The following NFIA variants were observed in gnomAD, a reference collection of about 807,000 sequenced individuals.
NFIA encodes the protein nuclear factor I A, also known as nuclear factor 1 A-type.
A neutral mutation model predicts 62.8 loss-of-function variants in NFIA; 8 were observed. That is an observed-to-expected ratio of 0.13 (90% CI 0.07 to 0.23). The LOEUF (loss-of-function observed/expected upper bound fraction) is 0.23. NFIA is among the 10% of genes least tolerant of loss of function. The pLI is 1.00. For synonymous variants in NFIA, 235 were observed against 238.1 expected (o/e 0.99, Z 0.12); for missense variants, 410 against 642.1 (o/e 0.64, Z 3.91).
intron 10 of NFIA, among the ~76,000 whole-genome samples, chr1:61,431,757 C>T (rs559472705): frequency 6.6e-6 from 1 of 152,292 alleles, no homozygotes; most frequent in East Asian, 1.9e-4. Flanking sequence ...CCGTTGTCTG[C>T]CTCTGGTGGG....
chr1:61,258,775 C>T (rs1435996909), intron 2 of NFIA, among the ~76,000 whole-genome samples: 5 of 152,012 alleles, frequency 3.3e-5, no homozygotes, highest in African/African-American at 1.2e-4. Context: ...GCCACCCAGG[C>T]TGGAGTGGGG....
At chr1:61,345,028 T>C (rs1019222697) in intron 4 of NFIA, among the ~76,000 whole-genome samples, 1 of 152,182 alleles carries the variant, frequency 6.6e-6, no homozygotes, top group African/African-American at 2.4e-5. Flanking sequence ...ACTATAATGA[T>C]TCCTTAATAG....
chr1:61,266,517 C>T (rs1657178962), intron 2 of NFIA, among the ~76,000 whole-genome samples: 1 of 152,146 alleles, frequency 6.6e-6, no homozygotes, highest in African/African-American at 2.4e-5. Context: ...CCTGCCTCAG[C>T]CTCCCAAGTA....
rs1557632057 is a variant in NFIA at position 61,200,052 on chromosome 1, A to ACATATATATACGTATATATATG, written c.560-77468_560-77467insCATATATATACGTATATATATG. Among the ~76,000 whole-genome samples, 30 of 52,308 alleles carry ACATATATATACGTATATATATG rather than the reference A, an allele frequency of 5.7e-4. 2 individuals are homozygous for ACATATATATACGTATATATATG. The highest frequency in any genetic ancestry group is 3.2e-3 in the African/African-American group (29 of 9,146). 34.3% of individuals were successfully genotyped at this position (52,308 alleles called of 152,430 possible). A position where few individuals can be genotyped will look rare whatever the true frequency, so the allele number is the denominator to read the frequency against. On this transcript the variant is annotated intron_variant, in intron 2 of 10. Coordinates refer to ENST00000403491, the MANE Select transcript of NFIA (RefSeq NM_001134673.4). ...TATATATATATATATATATATATAT[A>ACATATATATACGTATATATATG]TATATATATATATATGTATGTATGT...
At chr1:61,250,486 A>C (rs1410494251) in intron 2 of NFIA, among the ~76,000 whole-genome samples, 3 of 152,194 alleles carry the variant, frequency 2.0e-5, no homozygotes, top group East Asian at 1.9e-4. Context: ...CCACTTCCAT[A>C]TGATCTACAT....
chr1:61,286,197 G>A (rs1658480153), intron 3 of NFIA, among the ~76,000 whole-genome samples: 1 of 152,050 alleles, frequency 6.6e-6, no homozygotes, highest in African/African-American at 2.4e-5. Context: ...GGAGGCCAAG[G>A]CAGGCGGATC....
chr1:61,381,675 C>A (rs114796713), intron 6 of NFIA, among the ~76,000 whole-genome samples: 1 of 152,268 alleles, frequency 6.6e-6, no homozygotes, highest in Non-Finnish European at 1.5e-5. Context: ...ATTCATGAAG[C>A]TACAGATAAA....
At chr1:61,364,038 C>T (rs1184528560) in intron 6 of NFIA, among the ~76,000 whole-genome samples, 3 of 151,658 alleles carry the variant, frequency 2.0e-5, no homozygotes, top group Non-Finnish European at 4.4e-5. Flanking sequence ...CCTCCACCTC[C>T]GGGTTCAGGT....
intron 2 of NFIA, among the ~76,000 whole-genome samples, chr1:61,108,909 G>A (rs1483288678): frequency 6.6e-6 from 1 of 151,706 alleles, no homozygotes; most frequent in Admixed American, 6.6e-5. Context: ...TTTAAAGAAT[G>A]CAGTCATCTA....
chr1:61,143,438 G>A (rs533593129), intron 2 of NFIA, among the ~76,000 whole-genome samples: 1 of 152,208 alleles, frequency 6.6e-6, no homozygotes, highest in South Asian at 2.1e-4. Flanking sequence ...CACCCAGGCT[G>A]GAGTATAGTG....
At chr1:61,192,249 G>A (rs1458297536) in intron 2 of NFIA, among the ~76,000 whole-genome samples, 1 of 152,168 alleles carries the variant, frequency 6.6e-6, no homozygotes, top group Non-Finnish European at 1.5e-5. Flanking sequence ...AGTGCAAAGT[G>A]TTGGGATTAT....
intron 2 of NFIA, among the ~76,000 whole-genome samples, chr1:61,190,934 C>G (rs1192472180): frequency 6.6e-6 from 1 of 151,806 alleles, no homozygotes; most frequent in Non-Finnish European, 1.5e-5. Flanking sequence ...TGGTCTGGTA[C>G]TATAAAAAGC....
chr1:61,311,088 T>C (rs1660086717), intron 3 of NFIA, among the ~76,000 whole-genome samples: 1 of 152,134 alleles, frequency 6.6e-6, no homozygotes, highest in Non-Finnish European at 1.5e-5. Flanking sequence ...CTGAAAGTAA[T>C]TTTAAAAAAA....
intron 4 of NFIA, among the ~76,000 whole-genome samples, chr1:61,333,054 C>T (rs1557712671): frequency 6.7e-6 from 1 of 148,694 alleles, no homozygotes; most frequent in African/African-American, 2.6e-5. Context: ...CACGCACACA[C>T]ACACACACAC....
At chr1:61,234,464 A>G (rs1284927686) in intron 2 of NFIA, among the ~76,000 whole-genome samples, 1 of 151,166 alleles carries the variant, frequency 6.6e-6, no homozygotes, top group African/African-American at 2.4e-5. Flanking sequence ...TTATGCGGGT[A>G]TACGTCTGCC....
At chr1:61,195,984 AT>A (rs1428741517) in intron 2 of NFIA, among the ~76,000 whole-genome samples, 1 of 152,270 alleles carries the variant, frequency 6.6e-6, no homozygotes, top group Middle Eastern at 3.4e-3. Context: ...ACTTTGCTTT[AT>A]TTCTCTACAG....
At chr1:61,379,743 A>G (rs1664325615) in intron 6 of NFIA, among the ~76,000 whole-genome samples, 2 of 151,874 alleles carry the variant, frequency 1.3e-5, no homozygotes, top group African/African-American at 4.8e-5. Context: ...TGTAGAGATA[A>G]GGTCTCACTA....
chr1:61,316,411 A>T (rs1216598674), intron 3 of NFIA, among the ~76,000 whole-genome samples: 2 of 152,176 alleles, frequency 1.3e-5, no homozygotes, highest in African/African-American at 4.8e-5. Flanking sequence ...GTGTTTATAC[A>T]CTGGAGGGTA....
chr1:61,176,479 C>T (rs1015668598), intron 2 of NFIA, among the ~76,000 whole-genome samples: 16 of 152,180 alleles, frequency 1.1e-4, no homozygotes, highest in African/African-American at 3.6e-4. Flanking sequence ...GGTTTTTTAG[C>T]GTACCAGAAG....
Sources: allele counts gnomAD v4.1 joint callset (sites outside exome capture counted in the v4.1 genomes callset), GRCh38; gene constraint gnomAD v4.1.1; transcripts MANE v1.5; gene names NCBI Gene and HGNC (gene_info 2026-07-23, HGNC 2026-07-21).